SLC41A2: variants seen among roughly 807,000 people sequenced by gnomAD.
SLC41A2 encodes the protein SLC41A1-like 1.
A neutral mutation model predicts 58.3 loss-of-function variants in SLC41A2; 32 were observed. That is an observed-to-expected ratio of 0.55 (90% CI 0.41 to 0.74). The LOEUF is 0.74. Ranked by LOEUF, SLC41A2 falls within the 30% of genes least tolerant of loss-of-function variation. The pLI, the probability that SLC41A2 is intolerant of heterozygous loss-of-function variation, is 0.00. For missense variants in SLC41A2, 514 were observed against 680.6 expected, an observed-to-expected ratio of 0.76 and a Z score of 2.72; for synonymous variants, 190 against 235.0, an observed-to-expected ratio of 0.81 and a Z score of 1.75.
intron 1 of SLC41A2, among the ~76,000 whole-genome samples, chr12:104,937,659 A>G (rs2047337875): frequency 6.6e-6 from 1 of 152,198 alleles, no homozygotes. Flanking sequence ...GCATGACTGT[A>G]TTTAGTGCCT....
intron 6 of SLC41A2, among the ~76,000 whole-genome samples, chr12:104,874,342 G>T (rs2043945156): frequency 6.6e-6 from 1 of 152,074 alleles, no homozygotes; most frequent in Non-Finnish European, 1.5e-5. Flanking sequence ...CCAAAGTCCT[G>T]CGATTACAGG....
In SLC41A2 at chr12:104,874,995, C is replaced by A. The variant is rs552085687; in HGVS notation, c.1028-8416G>T. Among the ~76,000 whole-genome samples the A allele has an allele frequency of 2.0e-5, 3 of 152,208 alleles. No individual in the cohort carries two copies. The East Asian group carries it at 5.8e-4, about 29-fold the overall frequency. On this transcript the variant is annotated intron_variant, in intron 6 of 10. Coordinates refer to ENST00000258538, the MANE Select transcript of SLC41A2 (RefSeq NM_001352171.3). ...GGAATACCTTTCCATTTATTTGTGT[C>A]TTCTTCAATTTATTTCATTAATGTT...
At position 104,801,803 on chromosome 12, in the gene SLC41A2, T is replaced by C. The variant is rs766816295; in HGVS notation, c.*3349A>G. Among the ~76,000 whole-genome samples, 25 of 152,170 alleles carry C rather than the reference T, an allele frequency of 1.6e-4. No homozygotes were observed. Among genetic ancestry groups the C allele is most frequent in the Admixed American group, 2.6e-4 (4 of 15,252 alleles). On this transcript the variant is annotated 3_prime_UTR_variant, in exon 11 of 11. Coordinates refer to ENST00000258538, the MANE Select transcript of SLC41A2 (RefSeq NM_001352171.3). ...AAGCAATGCATTGGAGGTCTAGATA[T>C]GGTCAAAGCCCAATTTATTATAATT...
intron 6 of SLC41A2, among the ~76,000 whole-genome samples, chr12:104,877,139 A>C (rs4964115): frequency 2.0e-5 from 3 of 152,204 alleles, no homozygotes. Context: ...GTGTTTTCAA[A>C]ATAGTTCAGG....
At chr12:104,918,845 G>A (rs1010810819) in intron 2 of SLC41A2, among the ~76,000 whole-genome samples, 1 of 152,016 alleles carries the variant, frequency 6.6e-6, no homozygotes, top group Admixed American at 6.6e-5. Context: ...AATACAGAGA[G>A]ATCCCATGTA....
At chr12:104,854,758 G>A (rs1236137629) in intron 8 of SLC41A2, among the ~76,000 whole-genome samples, 1 of 152,004 alleles carries the variant, frequency 6.6e-6, no homozygotes, top group Non-Finnish European at 1.5e-5. Flanking sequence ...ATTTTTATGT[G>A]TGCCATGACA....
intron 10 of SLC41A2, among the ~76,000 whole-genome samples, chr12:104,821,830 G>T (rs1221836020): frequency 6.6e-6 from 1 of 152,150 alleles, no homozygotes; most frequent in African/African-American, 2.4e-5. Context: ...GAGCTGACAG[G>T]TTAAGTGCAC....
rs529460752 is a variant in SLC41A2, at chr12:104,863,490, G to A, written c.1176-2120C>T. ...ACCATAAAGTTCATAATAAAATAAT[G>A]GTCCCTAGCCCCACCTCCAGGTCCT... is the stretch of plus-strand genomic sequence containing the variant. On this transcript the variant is annotated intron_variant, in intron 7 of 10. Transcript: ENST00000258538. Among the ~76,000 whole-genome samples the A allele has an allele frequency of 3.3e-5, 5 of 152,042 alleles. No homozygotes were observed. In the East Asian group the frequency reaches 7.7e-4, roughly 23 times the overall value.
intron 8 of SLC41A2, among the ~76,000 whole-genome samples, chr12:104,854,212 GA>G (rs35704511): frequency 2.0e-5 from 3 of 150,428 alleles, no homozygotes; most frequent in South Asian, 4.2e-4. Context: ...GGTATATTTA[GA>G]AAAAAAAATT....
rs748086705 is a variant in SLC41A2, at chr12:104,928,221, A to G, written c.307T>C (p.Ser103Pro). 5 of 1,614,070 alleles carry G rather than the reference A, an allele frequency of 3.1e-6. No homozygotes were observed. The Admixed American group carries it at 8.3e-5, about 27-fold the overall frequency. ...TCATCATACTTTTGGCTGCAGCTTG[A>G]TGATGCGTGCCCATTATTGGCATGA... ...SFHANNGHAS[S>P]SCSQKYDDYA... The change falls in exon 2 of 11, where the codon TCA becomes CCA. Residue 103 changes from serine to proline, a missense_variant. Around this residue, in one of 3 missense-constraint regions of SLC41A2, gnomAD observed 336 missense variants for 430.0 expected, o/e 0.78. Transcript: ENST00000258538.
rs1342854696 is a variant in SLC41A2, at chr12:104,804,920, T to A, written c.*232A>T. The A allele has an allele frequency of 3.1e-6, 1 of 324,986 alleles. No individual in the cohort carries two copies. The highest frequency in any genetic ancestry group is 5.6e-6 in the Non-Finnish European group (1 of 178,126). The allele number at this position is 324,986 out of a possible 1,614,324, so 20.1% of individuals were successfully genotyped here. A position where few individuals can be genotyped will look rare whatever the true frequency, so the allele number is the denominator to read the frequency against. On this transcript the variant is annotated 3_prime_UTR_variant, in exon 11 of 11. Transcript: ENST00000258538. ...TAATTTCAGAGCTGGAACTTATATCTATGTCTATGTCAAATTATCATTTAT... is the reference window on the plus strand; with the variant it reads ...TAATTTCAGAGCTGGAACTTATATCAATGTCTATGTCAAATTATCATTTAT...
At position 104,804,923 on chromosome 12, in the gene SLC41A2, G is replaced by A; in HGVS notation, c.*229C>T. The stretch of plus-strand genomic sequence containing the variant: ...TTTCAGAGCTGGAACTTATATCTAT[G>A]TCTATGTCAAATTATCATTTATTCT... On this transcript the variant is annotated 3_prime_UTR_variant, in exon 11 of 11. Transcript: ENST00000258538. 5.9e-6 allele frequency: 2 copies of A among 339,030 alleles called. No individual in the cohort carries two copies. The highest frequency in any genetic ancestry group is 1.1e-5 in the Non-Finnish European group (2 of 186,722). The allele number at this position is 339,030 out of a possible 1,614,324, so 21.0% of individuals were successfully genotyped here. A position where few individuals can be genotyped will look rare whatever the true frequency, so the allele number is the denominator to read the frequency against.
At chr12:104,901,665 T>G (rs2045569844) in intron 3 of SLC41A2, among the ~76,000 whole-genome samples, 1 of 152,162 alleles carries the variant, frequency 6.6e-6, no homozygotes, top group African/African-American at 2.4e-5. Context: ...TCCTCCTGCC[T>G]CAGCCTCCCA....
At chr12:104,924,893 G>A (rs1288165193) in intron 2 of SLC41A2, among the ~76,000 whole-genome samples, 1 of 151,896 alleles carries the variant, frequency 6.6e-6, no homozygotes, top group Non-Finnish European at 1.5e-5. Context: ...TAATGTTGAG[G>A]GAAAAAAAGC....
At chr12:104,867,159 T>C (rs2043508268) in intron 6 of SLC41A2, among the ~76,000 whole-genome samples, 1 of 152,108 alleles carries the variant, frequency 6.6e-6, no homozygotes, top group South Asian at 2.1e-4. Flanking sequence ...GGCTGCCTAC[T>C]GATAATAGAT....
chr12:104,855,926 T>A (rs1022280473), intron 8 of SLC41A2, among the ~76,000 whole-genome samples: 3 of 152,146 alleles, frequency 2.0e-5, no homozygotes, highest in Non-Finnish European at 4.4e-5. Flanking sequence ...TGTGGAAATA[T>A]CCAATTTAAA....
intron 1 of SLC41A2, among the ~76,000 whole-genome samples, chr12:104,930,217 T>C (rs975895912): frequency 9.5e-6 from 1 of 104,912 alleles, no homozygotes; most frequent in Non-Finnish European, 2.0e-5. Context: ...ATGAGTAGAT[T>C]AAGCACTAGT....
At chr12:104,847,429 C>T (rs1243239123) in intron 8 of SLC41A2, among the ~76,000 whole-genome samples, 2 of 151,706 alleles carry the variant, frequency 1.3e-5, no homozygotes, top group Admixed American at 1.3e-4. Context: ...TGCTGAAACC[C>T]CGTCTCTACT....
chr12:104,939,496 C>T (rs1177266562), intron 1 of SLC41A2, among the ~76,000 whole-genome samples: 2 of 152,138 alleles, frequency 1.3e-5, no homozygotes, highest in African/African-American at 4.8e-5. Context: ...AGCCACCATG[C>T]CCAGCCATAA....
Sources: allele counts gnomAD v4.1 joint callset (sites outside exome capture counted in the v4.1 genomes callset), GRCh38; gene constraint gnomAD v4.1.1; regional missense constraint gnomAD v4.1.1; transcripts MANE v1.5; gene names NCBI Gene and HGNC (gene_info 2026-07-23, HGNC 2026-07-21).